Variants in NCOR2 observed in about 807,000 individuals in gnomAD.
The protein encoded by NCOR2 is CTG repeat protein 26.
NCOR2 carries 81 observed loss-of-function variants against 262.9 expected under a neutral mutation model. That is an observed-to-expected ratio of 0.31 (90% CI 0.26 to 0.37). The LOEUF is 0.37. Ranked by LOEUF, NCOR2 falls within the 10% of genes least tolerant of loss-of-function variation. NCOR2 has a pLI of 1.00. For synonymous variants in NCOR2, 1,659 were observed against 1,559.3 expected (o/e 1.06, Z -1.51); for missense variants, 3,385 against 3,621.4 (o/e 0.93, Z 1.68).
chr12:124,526,087 TAC>T (rs751481681), intron 1 of NCOR2, among the ~76,000 whole-genome samples: 62 of 152,318 alleles, frequency 4.1e-4, no homozygotes, highest in Non-Finnish European at 7.6e-4. Flanking sequence ...TTGAAGCATG[TAC>T]ACACATTAGT....
chr12:124,325,377 G>GCCCCA (rs1555297218), exon 47 of NCOR2: 2 of 251,138 alleles, frequency 8.0e-6, no homozygotes, highest in African/African-American at 3.7e-5. Context: ...ACCTGACACC[G>GCCCCA]CCCCCCCCCC....
At chr12:124,339,923 A>G (rs551295500) in intron 37 of NCOR2, 83 bp downstream of exon 39, 19 of 288,606 alleles carry the variant, frequency 6.6e-5, no homozygotes, top group South Asian at 2.2e-4. Flanking sequence ...TATACCTCCC[A>G]CCAAGCATCC....
chr12:124,501,973 G>A (rs1441250433), intron 1 of NCOR2, among the ~76,000 whole-genome samples: 2 of 152,244 alleles, frequency 1.3e-5, no homozygotes, highest in South Asian at 4.1e-4. Context: ...CGCACAAGAC[G>A]CTGCGGAGCG....
In NCOR2 at chr12:124,437,316, C is replaced by T. The variant is rs539150831; in HGVS notation, c.882+614G>A. 1.1e-4 allele frequency among the ~76,000 whole-genome samples: 17 copies of T among 152,248 alleles called. No homozygotes were observed. In the South Asian group the frequency reaches 2.1e-3, roughly 19 times the overall value. ...CCGGGGAATGGGTGATGGCCACGGCCGCCTGAAACCACCACCACATGCCTC... is the reference window on the plus strand; with the variant it reads ...CCGGGGAATGGGTGATGGCCACGGCTGCCTGAAACCACCACCACATGCCTC... On this transcript the variant is annotated intron_variant, in intron 8 of 46. Transcript: ENST00000405201.
chr12:124,411,870 G>C (rs3782266), intron 13 of NCOR2, among the ~76,000 whole-genome samples: 18,029 of 152,268 alleles, frequency 0.12, 1,307 homozygotes, highest in East Asian at 0.24. Context: ...TCCGGGAGGT[G>C]GGGGCTCGGC....
At chr12:124,398,859 G>C (rs529209846) in intron 15 of NCOR2, among the ~76,000 whole-genome samples, 1 of 152,260 alleles carries the variant, frequency 6.6e-6, no homozygotes, top group South Asian at 2.1e-4. Context: ...ACAAGGAGGG[G>C]CTTCTGGTGT....
In NCOR2 at chr12:124,402,716, C is replaced by A. The variant is rs981354204; in HGVS notation, c.1483-155G>T. Reference sequence around the variant, plus strand: ...GGTCATAAACAACCGGGAAGCCAGGCCCCACTGGCATGAGATGGGGAGAGG... The same window carrying A: ...GGTCATAAACAACCGGGAAGCCAGGACCCACTGGCATGAGATGGGGAGAGG... On this transcript the variant is annotated intron_variant, in intron 13 of 46. Transcript: ENST00000405201. Among the ~76,000 whole-genome samples, 6 of 152,250 alleles carry A rather than the reference C, an allele frequency of 3.9e-5. No individual in the cohort carries two copies. The South Asian group carries it at 8.3e-4, about 21-fold the overall frequency.
intron 2 of NCOR2, 161 bp downstream of exon 4, chr12:124,486,280 A>AC (rs2047761984): frequency 2.7e-5 from 31 of 1,147,096 alleles, no homozygotes; most frequent in Non-Finnish European, 3.6e-5. Context: ...TCCCATCCTC[A>AC]CCCCGAGTCA....
At chr12:124,395,287 T>C (rs1159523356) in intron 16 of NCOR2, among the ~76,000 whole-genome samples, 1 of 150,022 alleles carries the variant, frequency 6.7e-6, no homozygotes. Context: ...CCCGACCCCC[T>C]ATGGAGGAGT....
In NCOR2 at chr12:124,566,669, A is replaced by G. The variant is rs371722148; in HGVS notation, c.-165+639T>C. Among the ~76,000 whole-genome samples, 30 of 152,320 alleles carry G rather than the reference A, an allele frequency of 2.0e-4. No individual in the cohort carries two copies. Among genetic ancestry groups the G allele is most frequent in the East Asian group, 5.8e-4 (3 of 5,174 alleles). ...GGGGGAGGGACTAGGAGGCGGCCCA[A>G]TGAGGCGTCACCAGCCACGGGAGGC... On this transcript the variant is annotated intron_variant, in intron 1 of 32. Coordinates refer to the NCOR2 transcript ENST00000458234. This position sits in a 1 kb window ranked among gnomAD's most constrained non-coding sequence, Gnocchi z 4.3.
At chr12:124,396,233 A>G (rs754608078) in intron 16 of NCOR2, among the ~76,000 whole-genome samples, 2 of 152,160 alleles carry the variant, frequency 1.3e-5, no homozygotes, top group East Asian at 1.9e-4. Context: ...ATCTGGGGTG[A>G]GAAAAAGTTC....
intron 1 of NCOR2, among the ~76,000 whole-genome samples, chr12:124,529,196 A>AAAAAAAAAAC (rs1566029114): frequency 2.6e-4 from 38 of 147,160 alleles, no homozygotes; most frequent in African/African-American, 7.8e-4. Flanking sequence ...AAAAAAAAAA[A>AAAAAAAAAAC]AAAAAACACT....
intron 16 of NCOR2, 143 bp from the exon 19 acceptor site, chr12:124,386,030 G>A: frequency 9.2e-7 from 1 of 1,085,644 alleles, no homozygotes; most frequent in Non-Finnish European, 1.3e-6. Flanking sequence ...TCTGGAAGAA[G>A]AGACAGTGAT....
chr12:124,514,741 G>A (rs1388005348), intron 1 of NCOR2: 2 of 149,974 alleles, frequency 1.3e-5, no homozygotes, highest in Non-Finnish European at 2.9e-5. Context: ...TACTCAGGAG[G>A]CAGGAGAATC....
chr12:124,371,351 C>T (rs1006825021), intron 20 of NCOR2, among the ~76,000 whole-genome samples: 3 of 152,168 alleles, frequency 2.0e-5, no homozygotes, highest in African/African-American at 4.8e-5. Context: ...AGAGAAGGTA[C>T]ATTCAAGTCC....
rs537615569 is a variant in NCOR2 at position 124,485,798 on chromosome 12, T to C, written c.233+643A>G. On this transcript the variant is annotated intron_variant, in intron 2 of 46. Transcript: ENST00000405201. The stretch of plus-strand genomic sequence containing the variant: ...AGCCTCAGCTGCCCCATCTGAGAAA[T>C]AGGCACAATTCCCCACACCTCAGCC... Among the ~76,000 whole-genome samples, 12 of 152,214 alleles carry C rather than the reference T, an allele frequency of 7.9e-5. No individual in the cohort carries two copies. The East Asian group carries it at 1.2e-3, about 15-fold the overall frequency.
At chr12:124,469,117 G>T (rs900179831) in intron 4 of NCOR2, among the ~76,000 whole-genome samples, 16 of 152,190 alleles carry the variant, frequency 1.1e-4, no homozygotes, top group Non-Finnish European at 1.5e-4. Flanking sequence ...AGACCAGAGG[G>T]TTTAGGGCAC....
intron 7 of NCOR2, among the ~76,000 whole-genome samples, chr12:124,438,925 GGAGACCCAGAGACAGAGGGAGAGA>G: frequency 9.3e-4 from 1 of 1,070 alleles, no homozygotes; most frequent in African/African-American, 3.6e-3. Flanking sequence ...AGAGAGAGAC[GGAGACCCAGAGACAGAGGGAGAGA>G]GAGACCCAGA....
rs922588152 is a variant in NCOR2, at chr12:124,361,534, G to A, written c.3100+592C>T. Among the ~76,000 whole-genome samples the A allele has an allele frequency of 1.2e-4, 19 of 152,352 alleles. No homozygotes were observed. The South Asian group carries it at 3.9e-3, about 32-fold the overall frequency. On this transcript the variant is annotated intron_variant, in intron 22 of 46. Coordinates refer to ENST00000405201, the Ensembl canonical transcript of NCOR2. ...ATGACAGTGAGGTGTGCCCGGGGCA[G>A]TCCCTGTGACACAGCGGCTCGGGAG...
Sources: allele counts gnomAD v4.1 joint callset (sites outside exome capture counted in the v4.1 genomes callset), GRCh38; gene constraint gnomAD v4.1.1; non-coding constraint Gnocchi (gnomAD v3.1); transcripts MANE v1.5; gene names NCBI Gene and HGNC (gene_info 2026-07-23, HGNC 2026-07-21).